The following RBFOX1 variants were observed in gnomAD, a reference collection of about 807,000 sequenced individuals.
RBFOX1 encodes RNA binding fox-1 homolog 1, also known as RNA binding protein fox-1 homolog 1.
Under a neutral mutation model 57.7 loss-of-function variants are expected in RBFOX1, and 8 were observed. The ratio of observed to expected loss-of-function variants is 0.14; its 90% CI spans 0.08 to 0.25. The LOEUF is 0.25. RBFOX1 is among the 10% of genes least tolerant of loss of function. The pLI, the probability that RBFOX1 is intolerant of heterozygous loss-of-function variation, is 1.00. For synonymous variants in RBFOX1, 326 were observed against 222.4 expected (o/e 1.47, Z -4.15); for missense variants, 611 against 548.5 (o/e 1.11, Z -1.14).
intron 2 of RBFOX1, among the ~76,000 whole-genome samples, chr16:6,449,076 G>T (rs1353312230): frequency 6.6e-6 from 1 of 152,122 alleles, no homozygotes. Context: ...GTAAGTATAT[G>T]TACATCATAC....
chr16:5,396,150 C>T (rs556499951), intron 1 of RBFOX1, among the ~76,000 whole-genome samples: 16 of 152,310 alleles, frequency 1.1e-4, no homozygotes, highest in Non-Finnish European at 1.8e-4. Flanking sequence ...CAGTAACTAA[C>T]TCAATGGGCA....
chr16:7,357,864 A>T (rs1291150747), intron 4 of RBFOX1, among the ~76,000 whole-genome samples: 1 of 152,092 alleles, frequency 6.6e-6, no homozygotes, highest in Non-Finnish European at 1.5e-5. Context: ...TTCATGGAAG[A>T]TATTTCTTCA....
intron 4 of RBFOX1, among the ~76,000 whole-genome samples, chr16:5,962,969 CCT>C (rs1170702720): frequency 6.6e-6 from 1 of 151,948 alleles, no homozygotes; most frequent in Non-Finnish European, 1.5e-5. Flanking sequence ...GAAGTAATTG[CCT>C]CCACTCTGGT....
chr16:5,782,568 C>G (rs1274494588), intron 3 of RBFOX1, among the ~76,000 whole-genome samples: 1 of 152,126 alleles, frequency 6.6e-6, no homozygotes. Context: ...AAGACAGTGT[C>G]AGGATGGGGG....
chr16:7,288,613 G>A (rs982512319), intron 4 of RBFOX1, among the ~76,000 whole-genome samples: 3 of 152,160 alleles, frequency 2.0e-5, no homozygotes, highest in African/African-American at 7.2e-5. Context: ...GGCTGAGCTG[G>A]GCAGATCACT....
intron 4 of RBFOX1, among the ~76,000 whole-genome samples, chr16:7,204,322 A>G (rs2089449911): frequency 6.6e-6 from 1 of 152,184 alleles, no homozygotes; most frequent in East Asian, 1.9e-4. Flanking sequence ...AGGATTGCAA[A>G]CACTTTAATA....
At chr16:5,770,147 G>A (rs529625097) in intron 3 of RBFOX1, among the ~76,000 whole-genome samples, 1 of 152,110 alleles carries the variant, frequency 6.6e-6, no homozygotes, top group Non-Finnish European at 1.5e-5. Flanking sequence ...GAAGTGATGA[G>A]CTATGCTTAA....
rs182318772 is a variant in RBFOX1, at chr16:5,908,165, T to C, written c.351+40830T>C. Among the ~76,000 whole-genome samples the C allele has an allele frequency of 1.1e-3, 106 of 95,820 alleles. 1 individual carries two copies. The highest frequency in any genetic ancestry group is 5.0e-3 in the Middle Eastern group (1 of 202). The allele number at this position is 95,820 out of a possible 152,430, so 62.9% of individuals were successfully genotyped here. A position where few individuals can be genotyped will look rare whatever the true frequency, so the allele number is the denominator to read the frequency against. On this transcript the variant is annotated intron_variant, in intron 4 of 19. Coordinates refer to the RBFOX1 transcript ENST00000641259. The stretch of plus-strand genomic sequence containing the variant: ...ATATACACATATATACACATATATA[T>C]ACACATATATACACATATATACACA...
At chr16:7,023,340 A>T (rs1422788334) in intron 3 of RBFOX1, among the ~76,000 whole-genome samples, 1 of 151,620 alleles carries the variant, frequency 6.6e-6, no homozygotes, top group Non-Finnish European at 1.5e-5. Flanking sequence ...CATGCCTGTA[A>T]TCCCAGCTAC....
intron 4 of RBFOX1, among the ~76,000 whole-genome samples, chr16:5,945,154 T>G (rs970156879): frequency 6.6e-6 from 1 of 151,984 alleles, no homozygotes; most frequent in East Asian, 1.9e-4. Context: ...GGCAGGGACA[T>G]TGAGCAAGTC....
intron 3 of RBFOX1, among the ~76,000 whole-genome samples, chr16:5,723,845 C>G (rs1171603564): frequency 6.6e-6 from 1 of 152,190 alleles, no homozygotes; most frequent in Non-Finnish European, 1.5e-5. Flanking sequence ...GTAGACTGGA[C>G]CTTGCACCAT....
At chr16:7,207,067 A>C (rs2090140572) in intron 4 of RBFOX1, among the ~76,000 whole-genome samples, 1 of 152,142 alleles carries the variant, frequency 6.6e-6, no homozygotes, top group Non-Finnish European at 1.5e-5. Flanking sequence ...TACCCTACAG[A>C]TGTGTAGGTG....
At chr16:5,439,085 A>G (rs2068004713) in intron 1 of RBFOX1, among the ~76,000 whole-genome samples, 1 of 151,714 alleles carries the variant, frequency 6.6e-6, no homozygotes, top group South Asian at 2.1e-4. Flanking sequence ...GGGAGATAAC[A>G]TTTAAGTAGA....
chr16:7,137,516 C>A (rs370654547), intron 4 of RBFOX1, among the ~76,000 whole-genome samples: 2 of 152,176 alleles, frequency 1.3e-5, no homozygotes. Flanking sequence ...TTTCACCTTC[C>A]GCCATGATTG....
intron 2 of RBFOX1, among the ~76,000 whole-genome samples, chr16:6,333,718 A>C (rs905989346): frequency 1.2e-4 from 19 of 152,356 alleles, no homozygotes; most frequent in African/African-American, 4.6e-4. Flanking sequence ...TTTAGATCAC[A>C]GACATTAGGA....
intron 3 of RBFOX1, among the ~76,000 whole-genome samples, chr16:7,033,199 C>T (rs957723117): frequency 6.6e-6 from 1 of 152,076 alleles, no homozygotes; most frequent in Non-Finnish European, 1.5e-5. Context: ...TATAGGGAGA[C>T]CACCCGTGCC....
intron 1 of RBFOX1, among the ~76,000 whole-genome samples, chr16:6,079,799 G>A (rs1488015061): frequency 6.6e-6 from 1 of 152,112 alleles, no homozygotes; most frequent in Non-Finnish European, 1.5e-5. Flanking sequence ...TTGTGTTACT[G>A]CACTCCAGCC....
At chr16:5,265,004 G>C (rs1919061) in intron 1 of RBFOX1, among the ~76,000 whole-genome samples, 142,529 of 151,620 alleles carry the variant, frequency 0.94, 67,062 homozygotes, top group East Asian at 0.98. Flanking sequence ...GAATTTCTCT[G>C]TGTGTGTGTG....
rs112143077 is a variant in RBFOX1 at position 7,570,437 on chromosome 16, A to T, written c.271-9340A>T. ...TATTCTGATTTCTACTGACAACTTC[A>T]TGGTGGTATCATCTACCACATTTTA... On this transcript the variant is annotated intron_variant, in intron 5 of 15. Transcript: ENST00000550418. Among the ~76,000 whole-genome samples, 1,171 of 152,312 alleles carry T rather than the reference A, an allele frequency of 7.7e-3. 16 individuals are homozygous for T. The highest frequency in any genetic ancestry group is 0.026 in the African/African-American group (1,100 of 41,570).
Sources: allele counts gnomAD v4.1 joint callset (sites outside exome capture counted in the v4.1 genomes callset), GRCh38; gene constraint gnomAD v4.1.1; transcripts MANE v1.5; gene names NCBI Gene and HGNC (gene_info 2026-07-23, HGNC 2026-07-21).